Variants in PRUNE1 observed in about 807,000 individuals in gnomAD.
The protein encoded by PRUNE1 is prune exopolyphosphatase 1.
PRUNE1 carries 25 observed loss-of-function variants against 42.5 expected under a neutral mutation model. The ratio of observed to expected loss-of-function variants is 0.59; its 90% confidence interval spans 0.43 to 0.82. The LOEUF (loss-of-function observed/expected upper bound fraction) is 0.82. Among genes scored for constraint, PRUNE1 ranks in the 40% least tolerant of loss-of-function variants. PRUNE1 has a pLI of 0.00. For missense variants in PRUNE1, 443 were observed against 539.3 expected (o/e 0.82, Z 1.77); for synonymous variants, 203 against 217.1 (o/e 0.93, Z 0.57).
In PRUNE1 at chr1:151,024,739, G is replaced by T. The variant is rs890764301; in HGVS notation, c.464G>T (p.Arg155Ile). Residue 155 changes from arginine to isoleucine, a missense_variant, in exon 4 of 8, where the codon AGA (arginine) becomes ATA (isoleucine). By Grantham distance (97) the Arg-to-Ile change is moderately conservative. Transcript: ENST00000271620. ...VGSCATLVTE[R>I]ILQGAPEILD... ...TCCTGTGCTACCCTGGTGACCGAGA[G>T]AATCCTGCAGGGGGCACCAGAGATC... The T allele has an allele frequency of 1.9e-6, 3 of 1,614,024 alleles. No homozygotes were observed. Among genetic ancestry groups the T allele is most frequent in the Non-Finnish European group, 2.5e-6 (3 of 1,180,026 alleles).
At chr1:151,029,557 C>T (rs372387929) in intron 7 of PRUNE1, among the ~76,000 whole-genome samples, 19 of 151,224 alleles carry the variant, frequency 1.3e-4, no homozygotes, top group South Asian at 4.2e-4. Flanking sequence ...TTAGTAGAGA[C>T]GGGGTTTCAC....
At chr1:151,014,794 G>T (rs587613516) in intron 1 of PRUNE1, among the ~76,000 whole-genome samples, 21 of 152,324 alleles carry the variant, frequency 1.4e-4, no homozygotes, top group African/African-American at 5.1e-4. Context: ...CAAGTCTGGA[G>T]ACATTTTTGT....
chr1:151,017,716 A>G (rs1674189800), intron 1 of PRUNE1, 96 bp from the exon 2 acceptor site: 1 of 694,188 alleles, frequency 1.4e-6, no homozygotes, highest in African/African-American at 1.9e-5. Flanking sequence ...ACAGAGTGAG[A>G]CCTGTCTCAA....
In PRUNE1 at chr1:151,027,259, A is replaced by G. The variant is rs1489213845; in HGVS notation, c.706A>G (p.Lys236Glu). 2 of 1,611,278 alleles carry G rather than the reference A, an allele frequency of 1.2e-6. No individual in the cohort carries two copies. The highest frequency in any genetic ancestry group is 2.7e-5 in the African/African-American group (2 of 74,866). The change falls in exon 6 of 8, where the codon AAA (lysine) becomes GAA (glutamate). Residue 236 changes from lysine (K) to glutamate (E), a missense_variant. Coordinates refer to ENST00000271620, the MANE Select transcript of PRUNE1 (RefSeq NM_021222.3). ...ACTGACCACTGAGCAGATGCTGAGA[A>G]AAGACCAGAAGACTATCTATAGACA... is the stretch of plus-strand genomic sequence containing the variant. Reference protein sequence around the residue: ...SGLTTEQMLRKDQKTIYRQGV... With the variant: ...SGLTTEQMLREDQKTIYRQGV...
rs199969263 is a variant in PRUNE1 at position 151,024,723 on chromosome 1, A to T, written c.448A>T (p.Thr150Ser). 1.9e-5 allele frequency: 30 copies of T among 1,613,900 alleles called. No individual in the cohort carries two copies. Among genetic ancestry groups the T allele is most frequent in the African/African-American group, 2.7e-5 (2 of 74,868 alleles). ...AGTTGAGCTGGTGGGGTCCTGTGCT[A>T]CCCTGGTGACCGAGAGAATCCTGCA... The part of the protein sequence containing the change: ...VSVELVGSCA[T>S]LVTERILQGA... The change falls in exon 4 of 8, where the codon ACC becomes TCC. Residue 150 changes from threonine (T) to serine (S), a missense_variant. Coordinates refer to ENST00000271620, the MANE Select transcript of PRUNE1 (RefSeq NM_021222.3).
chr1:151,033,765 G>A (rs758602756), intron 7 of PRUNE1, 41 bp from the exon 8 acceptor site: 20 of 1,561,282 alleles, frequency 1.3e-5, no homozygotes, highest in Middle Eastern at 3.4e-4. Context: ...CTTTGCTACA[G>A]CAAGTTGTGT....
At chr1:151,024,590 C>T (rs756675305) in intron 3 of PRUNE1, 21 bp from the exon 4 acceptor site, 24 of 1,580,966 alleles carry the variant, frequency 1.5e-5, no homozygotes, top group Non-Finnish European at 2.1e-5. Context: ...TTCCTCTTTT[C>T]CCATACCCTC....
intron 7 of PRUNE1, among the ~76,000 whole-genome samples, chr1:151,030,630 C>T (rs1055173099): frequency 7.2e-5 from 11 of 152,068 alleles, no homozygotes; most frequent in Admixed American, 1.3e-4. Context: ...GGACTACAGG[C>T]GCCTGCCACC....
At chr1:151,024,539 A>G (rs1674697668) in intron 3 of PRUNE1, 72 bp from the exon 4 acceptor site, 2 of 1,377,862 alleles carry the variant, frequency 1.5e-6, no homozygotes, top group East Asian at 2.3e-5. Context: ...TGTGGGGTAG[A>G]GGTTGGCTAG....
chr1:151,019,556 CAA>C (rs61399605), intron 3 of PRUNE1, among the ~76,000 whole-genome samples: 24 of 106,182 alleles, frequency 2.3e-4, no homozygotes, highest in Admixed American at 3.1e-4. Context: ...GACCCTGTCT[CAA>C]AAAAAAAAAA....
intron 6 of PRUNE1, among the ~76,000 whole-genome samples, 198 bp downstream of exon 6, chr1:151,027,525 C>T (rs1047384447): frequency 1.3e-5 from 2 of 151,976 alleles, no homozygotes; most frequent in Non-Finnish European, 2.9e-5. Flanking sequence ...GTGTCCCTGC[C>T]TCTGCTTTTG....
At chr1:151,011,922 G>A (rs1357153137) in intron 1 of PRUNE1, among the ~76,000 whole-genome samples, 1 of 151,990 alleles carries the variant, frequency 6.6e-6, no homozygotes, top group African/African-American at 2.4e-5. Flanking sequence ...GGGACTACAG[G>A]CATGTGCCAC....
chr1:151,023,703 G>A (rs1467769061), intron 3 of PRUNE1, among the ~76,000 whole-genome samples: 6 of 148,966 alleles, frequency 4.0e-5, no homozygotes, highest in Non-Finnish European at 7.4e-5. Context: ...GGGCGACACA[G>A]CGAGATTCCG....
chr1:151,024,200 A>G (rs1361520832), intron 3 of PRUNE1, among the ~76,000 whole-genome samples: 1 of 151,864 alleles, frequency 6.6e-6, no homozygotes, highest in African/African-American at 2.4e-5. Context: ...AAAAAAAAAA[A>G]AAAAGAATTG....
chr1:151,031,193 G>GTGT (rs1553254659), intron 7 of PRUNE1, among the ~76,000 whole-genome samples: 13 of 119,540 alleles, frequency 1.1e-4, no homozygotes, highest in African/African-American at 3.8e-4. Flanking sequence ...GTGTGTGTGT[G>GTGT]TTTTTTTTTT....
chr1:151,027,093 C>T, intron 5 of PRUNE1, 140 bp from the exon 6 acceptor site: 2 of 544,506 alleles, frequency 3.7e-6, no homozygotes, highest in Non-Finnish European at 6.6e-6. Context: ...GCTATGATTA[C>T]ATTTTCAATT....
At chr1:151,032,713 CA>C (rs35078895) in intron 7 of PRUNE1, among the ~76,000 whole-genome samples, 47 of 138,290 alleles carry the variant, frequency 3.4e-4, no homozygotes, top group Middle Eastern at 3.9e-3. Context: ...GACTCTGTCT[CA>C]AAAAAAAAAA....
In PRUNE1 at chr1:151,008,538, T is replaced by C; in HGVS notation, c.-95T>C. The C allele has an allele frequency of 6.7e-7, 1 of 1,490,810 alleles. No individual in the cohort carries two copies. The highest frequency in any genetic ancestry group is 1.1e-5 in the South Asian group (1 of 88,436). 92.3% of individuals were successfully genotyped at this position (1,490,810 alleles called of 1,614,324 possible). A position where few individuals can be genotyped will look rare whatever the true frequency, so the allele number is the denominator to read the frequency against. Reference sequence around the variant, plus strand: ...CCTCCTGACTCTGGCCTCTAGTCCCTGAGTCCCGGGCGGGCTGCATTCGTC... The same window carrying C: ...CCTCCTGACTCTGGCCTCTAGTCCCCGAGTCCCGGGCGGGCTGCATTCGTC... On this transcript the variant is annotated 5_prime_UTR_variant, in exon 1 of 8. Transcript: ENST00000271620.
chr1:151,030,487 T>G (rs1294602335), intron 7 of PRUNE1, among the ~76,000 whole-genome samples: 4 of 151,942 alleles, frequency 2.6e-5, no homozygotes, highest in African/African-American at 9.7e-5. Flanking sequence ...GAACTGCAGT[T>G]TTGTCTGTTT....
Sources: allele counts gnomAD v4.1 joint callset (sites outside exome capture counted in the v4.1 genomes callset), GRCh38; gene constraint gnomAD v4.1.1; transcripts MANE v1.5; gene names NCBI Gene and HGNC (gene_info 2026-07-23, HGNC 2026-07-21).